The following RNFT1 variants were observed in gnomAD, a reference collection of about 807,000 sequenced individuals.
The protein encoded by RNFT1 is ring finger protein, transmembrane 1.
A neutral mutation model predicts 53.2 loss-of-function variants in RNFT1; 35 were observed. That is an observed-to-expected ratio of 0.66 (90% CI 0.50 to 0.87). The LOEUF (loss-of-function observed/expected upper bound fraction) is 0.87. Ranked by LOEUF, RNFT1 falls within the 40% of genes least tolerant of loss-of-function variation. The pLI, the probability that RNFT1 is intolerant of heterozygous loss-of-function variation, is 0.00. For missense variants in RNFT1, 421 were observed against 515.0 expected, an observed-to-expected ratio of 0.82 and a Z score of 1.77; for synonymous variants, 141 against 172.8, an observed-to-expected ratio of 0.82 and a Z score of 1.44.
Position 59,963,188 on chromosome 17 carries a change from A to T in RNFT1, c.153T>A (p.Thr51=). The change falls in exon 2 of 9, where the codon ACT becomes ACA. Residue 51 remains threonine, a synonymous_variant. Transcript: ENST00000305783. ...GGGTTGAGGCATCCTCACTGCTTCCAGTTCCTGGAGGACTGTGCAGTTGGC... is the reference window on the plus strand; with the variant it reads ...GGGTTGAGGCATCCTCACTGCTTCCTGTTCCTGGAGGACTGTGCAGTTGGC... ...NRSQLHSPPG[T]GSSEDASTPQ... is the part of the protein sequence containing the mutation. The T allele has an allele frequency of 6.2e-7, 1 of 1,614,194 alleles. No homozygotes were observed. The highest frequency in any genetic ancestry group is 2.2e-5 in the East Asian group (1 of 44,886).
In RNFT1 at chr17:59,952,783, G is replaced by A. The variant is rs2045229132; in HGVS notation, c.*194C>T. Reference sequence around the variant, plus strand: ...AGAATAAATGTTGCATATACATTAGGTTGAACATTATATATATTTTAAAAC... The same window carrying A: ...AGAATAAATGTTGCATATACATTAGATTGAACATTATATATATTTTAAAAC... On this transcript the variant is annotated 3_prime_UTR_variant, in exon 9 of 9. Transcript: ENST00000305783. The A allele has an allele frequency of 4.2e-6, 2 of 476,064 alleles. No individual in the cohort carries two copies. The highest frequency in any genetic ancestry group is 3.9e-5 in the African/African-American group (2 of 50,938). 29.5% of individuals were successfully genotyped at this position (476,064 alleles called of 1,614,324 possible). A position where few individuals can be genotyped will look rare whatever the true frequency, so the allele number is the denominator to read the frequency against.
intron 7 of RNFT1, among the ~76,000 whole-genome samples, chr17:59,956,232 G>A (rs1568542602): frequency 6.6e-6 from 1 of 152,132 alleles, no homozygotes; most frequent in Non-Finnish European, 1.5e-5. Context: ...GATTGAAGAG[G>A]CAAGAGACAA....
At position 59,957,279 on chromosome 17, in the gene RNFT1, T is replaced by C; in HGVS notation, c.950A>G (p.Asn317Ser). ...TATCCCAAGACTCCATCTAGTTACG[T>C]TACCAAACTCCCCATAGCTTATAAG... ...RYLISYGEFGNVTRWSLGILL... is the reference protein window; with the variant it reads ...RYLISYGEFGSVTRWSLGILL... The change falls in exon 6 of 9, where the codon AAC (asparagine) becomes AGC (serine). Residue 317 changes from asparagine (N) to serine (S), a missense_variant. Physicochemically the swap from Asn to Ser is conservative, Grantham distance 46 (BLOSUM62 1). Coordinates refer to ENST00000305783, the MANE Select transcript of RNFT1 (RefSeq NM_016125.4). 6.2e-7 allele frequency: 1 copy of C among 1,614,034 alleles called. No homozygotes were observed. The highest frequency in any genetic ancestry group is 8.5e-7 in the Non-Finnish European group (1 of 1,179,976).
At chr17:59,959,930 A>AT in intron 4 of RNFT1, 138 bp downstream of exon 4, 3 of 781,138 alleles carry the variant, frequency 3.8e-6, no homozygotes, top group Non-Finnish European at 5.4e-6. Context: ...AAAAAAAAAA[A>AT]GCTCTCGCTT....
At chr17:59,958,264 C>A in intron 5 of RNFT1, 27 bp downstream of exon 5, 1 of 1,567,722 alleles carries the variant, frequency 6.4e-7, no homozygotes, top group South Asian at 1.2e-5. Context: ...TAACATCACT[C>A]CAATAAAGCA....
intron 7 of RNFT1, among the ~76,000 whole-genome samples, chr17:59,955,782 G>C (rs1228184481): frequency 6.6e-6 from 1 of 151,944 alleles, no homozygotes; most frequent in Non-Finnish European, 1.5e-5. Context: ...AGTCTCCTTG[G>C]GCCCTGATGA....
At chr17:59,963,330 T>C in intron 1 of RNFT1, 46 bp from the exon 2 acceptor site, 3 of 1,503,570 alleles carry the variant, frequency 2.0e-6, no homozygotes, top group Non-Finnish European at 1.8e-6. Flanking sequence ...GGCAGTTAAA[T>C]ACCAGCAGTA....
At chr17:59,953,136 TTGATATTTGA>T in intron 8 of RNFT1, 25 bp from the exon 9 acceptor site, 1 of 1,547,820 alleles carries the variant, frequency 6.5e-7, no homozygotes, top group African/African-American at 1.4e-5. Context: ...AGAATTAGAT[TTGATATTTGA>T]TAATCATTTT....
At chr17:59,957,008 A>G (rs2045257938) in intron 6 of RNFT1, among the ~76,000 whole-genome samples, 1 of 152,210 alleles carries the variant, frequency 6.6e-6, no homozygotes, top group Admixed American at 6.5e-5. Flanking sequence ...CGCTATGTGA[A>G]GGTCGACTCC....
intron 4 of RNFT1, chr17:59,959,419 T>C (rs1363448389): frequency 6.6e-6 from 1 of 152,136 alleles, no homozygotes; most frequent in Non-Finnish European, 1.5e-5. Flanking sequence ...TTCAGAATAC[T>C]CCCATTTGAC....
In RNFT1 at chr17:59,958,325, A is replaced by G. The variant is rs1217202042; in HGVS notation, c.812T>C (p.Leu271Ser). The change falls in exon 5 of 9, where the codon TTG (leucine) becomes TCG (serine). Residue 271 changes from leucine to serine, a missense_variant. Leu to Ser is a moderately radical substitution (Grantham distance 145). Coordinates refer to ENST00000305783, the MANE Select transcript of RNFT1 (RefSeq NM_016125.4). ...AAAAGGCATGATGAAAGAAGGCACC[A>G]ATAAAATAAGGCATTTTAAGCCCAT... ...FFMGLKCLIL[L>S]VPSFIMPFKS... 2.5e-6 allele frequency: 4 copies of G among 1,598,198 alleles called. No homozygotes were observed. The African/African-American group carries it at 5.4e-5, about 22-fold the overall frequency.
intron 8 of RNFT1, among the ~76,000 whole-genome samples, 171 bp from the exon 9 acceptor site, chr17:59,953,282 G>T (rs1161107922): frequency 6.7e-6 from 1 of 149,402 alleles, no homozygotes; most frequent in South Asian, 2.1e-4. Flanking sequence ...TGCAACCTCC[G>T]CCCCCGACTG....
chr17:59,953,151 C>A, intron 8 of RNFT1, 40 bp from the exon 9 acceptor site: 100 of 1,361,332 alleles, frequency 7.3e-5, no homozygotes, highest in Non-Finnish European at 9.6e-5. Context: ...ATTTGATAAT[C>A]ATTTTAAATC....
In RNFT1 at chr17:59,952,994, G is replaced by C. The variant is rs1230089539; in HGVS notation, c.1291C>G (p.His431Asp). The C allele has an allele frequency of 6.2e-7, 1 of 1,612,888 alleles. No homozygotes were observed. Among genetic ancestry groups the C allele is most frequent in the Non-Finnish European group, 8.5e-7 (1 of 1,179,630 alleles). ...NKWKDGATSS[H>D]LQIY ...TATACAACTTAATATATTTGAAGGTGTGATGAAGTGGCTCCATCCTTCCAT... is the reference window on the plus strand; with the variant it reads ...TATACAACTTAATATATTTGAAGGTCTGATGAAGTGGCTCCATCCTTCCAT... The change falls in exon 9 of 9, where the codon CAC (histidine) becomes GAC (aspartate). Residue 431 changes from histidine to aspartate, a missense_variant. By Grantham distance (81) the His-to-Asp change is moderately conservative. Coordinates refer to ENST00000305783, the MANE Select transcript of RNFT1 (RefSeq NM_016125.4).
chr17:59,958,538 A>G (rs1337430826), intron 4 of RNFT1, 94 bp from the exon 5 acceptor site: 3 of 1,031,266 alleles, frequency 2.9e-6, no homozygotes, highest in South Asian at 3.0e-5. Flanking sequence ...TTTTATTTTG[A>G]TATGTAAAAA....
Position 59,964,601 on chromosome 17 carries a change from G to A in RNFT1, c.56+7C>T, listed in dbSNP as rs892347703. ...CTCCTCCTCTGCCCGCTTCCCCCAG[G>A]CCTAACCTCTCATGACCAGAAGCGG... On this transcript the variant is annotated splice_region_variant and intron_variant, in intron 1 of 8. Transcript: ENST00000305783. The A allele has an allele frequency of 6.3e-7, 1 of 1,599,132 alleles. No individual in the cohort carries two copies. Among genetic ancestry groups the A allele is most frequent in the African/African-American group, 1.3e-5 (1 of 74,538 alleles).
At chr17:59,959,593 C>G (rs2045274845) in intron 4 of RNFT1, 1 of 152,278 alleles carries the variant, frequency 6.6e-6, no homozygotes, top group Non-Finnish European at 1.5e-5. Flanking sequence ...TGCCAAGGCA[C>G]TGGGGATACA....
intron 4 of RNFT1, chr17:59,959,847 T>C (rs1207361786): frequency 1.5e-5 from 4 of 265,744 alleles, no homozygotes; most frequent in Non-Finnish European, 2.9e-5. Context: ...GAGGCAAAGG[T>C]TGCAGTGAGC....
chr17:59,961,100 G>T (rs576071446), intron 3 of RNFT1, among the ~76,000 whole-genome samples: 92 of 149,774 alleles, frequency 6.1e-4, no homozygotes, highest in Non-Finnish European at 1.0e-3. Flanking sequence ...GCAGTGGCAT[G>T]ATCACAACTC....
Sources: allele counts gnomAD v4.1 joint callset (sites outside exome capture counted in the v4.1 genomes callset), GRCh38; gene constraint gnomAD v4.1.1; transcripts MANE v1.5; gene names NCBI Gene and HGNC (gene_info 2026-07-23, HGNC 2026-07-21).